The following RTN4RL1 variants were observed in gnomAD, a reference collection of about 807,000 sequenced individuals.
The protein encoded by RTN4RL1 is reticulon 4 receptor like 1.
In RTN4RL1, 7 loss-of-function variants were observed where a neutral mutation model predicts 25.6. The observed-to-expected ratio is 0.27, with a 90% confidence interval of 0.16 to 0.51. The LOEUF is 0.51. Among genes scored for constraint, RTN4RL1 ranks in the 20% least tolerant of loss-of-function variants. The pLI is 0.97. For synonymous variants in RTN4RL1, 297 were observed against 288.2 expected (o/e 1.03, Z -0.31); for missense variants, 500 against 615.6 (o/e 0.81, Z 1.99).
intron 1 of RTN4RL1, among the ~76,000 whole-genome samples, chr17:1,992,275 C>T (rs950536878): frequency 4.7e-5 from 7 of 148,214 alleles, no homozygotes; most frequent in Admixed American, 1.4e-4. Flanking sequence ...AGGAGAATGG[C>T]GTGAACCCGG....
intron 1 of RTN4RL1, among the ~76,000 whole-genome samples, chr17:2,000,777 C>T (rs948232097): frequency 6.6e-6 from 1 of 152,142 alleles, no homozygotes; most frequent in Non-Finnish European, 1.5e-5. Context: ...AGCTCAGCCT[C>T]CCGAAGTACG....
intron 1 of RTN4RL1, among the ~76,000 whole-genome samples, chr17:2,009,185 C>A (rs2067024917): frequency 1.3e-5 from 2 of 152,194 alleles, no homozygotes; most frequent in Non-Finnish European, 2.9e-5. Flanking sequence ...GTTCGCCGGG[C>A]TTGGTGGCTC....
chr17:1,996,362 G>A (rs942499627), intron 1 of RTN4RL1, among the ~76,000 whole-genome samples: 9 of 152,068 alleles, frequency 5.9e-5, no homozygotes, highest in African/African-American at 1.7e-4. Flanking sequence ...GGCAGAGTAC[G>A]GGTGAACAGC....
In RTN4RL1 at chr17:1,934,718, C is replaced by G. The variant is rs1320507591; in HGVS notation, c.*1778G>C. ...TTTATTGTTATTATTATTTTTCTCT[C>G]TTAATTGGATTCAGCGTTTCTGGCT... On this transcript the variant is annotated 3_prime_UTR_variant, in exon 2 of 2. Transcript: ENST00000331238. The surrounding 1 kb of genome is among the most constrained non-coding windows in gnomAD (Gnocchi z 4.0). 6.6e-6 allele frequency: 1 copy of G among 152,670 alleles called. No individual in the cohort carries two copies. Among genetic ancestry groups the G allele is most frequent in the Non-Finnish European group, 1.5e-5 (1 of 68,070 alleles). The allele number at this position is 152,670 out of a possible 1,614,324, so 9.5% of individuals were successfully genotyped here.
rs1043048595 is a variant in RTN4RL1, at chr17:1,998,177, A to G, written c.13+26676T>C. Among the ~76,000 whole-genome samples, 2 of 151,856 alleles carry G rather than the reference A, an allele frequency of 1.3e-5. No homozygotes were observed. The highest frequency in any genetic ancestry group is 2.4e-5 in the African/African-American group (1 of 41,334). ...CTCCTTGGCTCCCTGGCCCGGATTA[A>G]ATATTTACTATGTTTTGTTTGGCCT... On this transcript the variant is annotated intron_variant, in intron 1 of 1. Coordinates refer to ENST00000331238, the MANE Select transcript of RTN4RL1 (RefSeq NM_178568.4). The surrounding 1 kb of genome is among the most constrained non-coding windows in gnomAD (Gnocchi z 4.9).
At chr17:1,975,164 C>T (rs1052989006) in intron 1 of RTN4RL1, among the ~76,000 whole-genome samples, 3 of 152,144 alleles carry the variant, frequency 2.0e-5, no homozygotes, top group Non-Finnish European at 2.9e-5. Flanking sequence ...TACAGGGAGC[C>T]GAGGAAATCC....
chr17:1,953,621 G>C (rs1471979167), intron 1 of RTN4RL1, among the ~76,000 whole-genome samples: 1 of 152,188 alleles, frequency 6.6e-6, no homozygotes, highest in South Asian at 2.1e-4. Flanking sequence ...CTGGAGTGCA[G>C]TGGCGTGATC....
chr17:1,981,822 G>A (rs2066868459), intron 1 of RTN4RL1, among the ~76,000 whole-genome samples: 1 of 152,232 alleles, frequency 6.6e-6, no homozygotes, highest in African/African-American at 2.4e-5. Context: ...TGTGTTCTGA[G>A]AAATGTATCA....
intron 1 of RTN4RL1, among the ~76,000 whole-genome samples, chr17:1,946,498 G>A (rs888955826): frequency 5.3e-5 from 8 of 152,302 alleles, no homozygotes; most frequent in South Asian, 4.2e-4. Context: ...GTGGGTGCAC[G>A]GGGTCTGCGT....
rs568914041 is a variant in RTN4RL1 at position 1,935,502 on chromosome 17, G to A, written c.*994C>T. 40 of 982,072 alleles carry A rather than the reference G, an allele frequency of 4.1e-5. No homozygotes were observed. The highest frequency in any genetic ancestry group is 1.8e-4 in the Admixed American group (3 of 16,244). 60.8% of individuals were successfully genotyped at this position (982,072 alleles called of 1,614,324 possible). ...CCTCCCCCTTCCTCACCGTCCCGCCGACACCTTGCCCCAGGCCCTTGGCAA... is the reference window on the plus strand; with the variant it reads ...CCTCCCCCTTCCTCACCGTCCCGCCAACACCTTGCCCCAGGCCCTTGGCAA... On this transcript the variant is annotated 3_prime_UTR_variant, in exon 2 of 2. Coordinates refer to ENST00000331238, the MANE Select transcript of RTN4RL1 (RefSeq NM_178568.4).
intron 1 of RTN4RL1, among the ~76,000 whole-genome samples, chr17:1,942,752 C>T (rs1001369856): frequency 1.3e-5 from 2 of 152,120 alleles, no homozygotes; most frequent in African/African-American, 4.8e-5. Context: ...GCACGGGAAG[C>T]CACCCTACCC....
chr17:2,004,789 A>G (rs1287069641), intron 1 of RTN4RL1, among the ~76,000 whole-genome samples: 1 of 152,156 alleles, frequency 6.6e-6, no homozygotes, highest in East Asian at 1.9e-4. Flanking sequence ...GCCCCTGGCC[A>G]GGGCTGGCAT....
At chr17:2,013,631 C>CTTGGGGTT (rs1567528138) in intron 1 of RTN4RL1, among the ~76,000 whole-genome samples, 10 of 136,010 alleles carry the variant, frequency 7.4e-5, no homozygotes, top group African/African-American at 2.8e-4. Flanking sequence ...CTCCCTCACC[C>CTTGGGGTT]TGGAACATAA....
chr17:1,993,501 C>A (rs2066918127), intron 1 of RTN4RL1, among the ~76,000 whole-genome samples: 1 of 152,156 alleles, frequency 6.6e-6, no homozygotes, highest in Non-Finnish European at 1.5e-5. Flanking sequence ...GAGGAGTAAG[C>A]AAAATAATGG....
intron 1 of RTN4RL1, among the ~76,000 whole-genome samples, chr17:1,952,202 T>C (rs964478597): frequency 1.3e-5 from 2 of 152,248 alleles, no homozygotes; most frequent in Admixed American, 6.5e-5. Context: ...CATGCACGAA[T>C]ACCCCCAGGG....
At chr17:2,013,298 G>A (rs1483345995) in intron 1 of RTN4RL1, among the ~76,000 whole-genome samples, 2 of 152,226 alleles carry the variant, frequency 1.3e-5, no homozygotes, top group Admixed American at 1.3e-4. Flanking sequence ...CTCACAGGTA[G>A]AAAGAGCTGC....
chr17:2,005,376 C>T (rs570503180), intron 1 of RTN4RL1, among the ~76,000 whole-genome samples: 1 of 152,282 alleles, frequency 6.6e-6, no homozygotes, highest in Non-Finnish European at 1.5e-5. Flanking sequence ...TTATTAGGCC[C>T]ATTTTACAGA....
chr17:1,950,200 TG>T (rs1859437266), intron 1 of RTN4RL1, among the ~76,000 whole-genome samples: 1 of 149,432 alleles, frequency 6.7e-6, no homozygotes, highest in South Asian at 2.1e-4. Flanking sequence ...TGAGAGACCT[TG>T]GGGGCCTGAA....
Position 1,937,381 on chromosome 17 carries a change from G to C in RTN4RL1, c.441C>G (p.Gly147=), listed in dbSNP as rs748423034. ...GGTAGAGGTACTGCAGGCTGTGCAG[G>C]CCGCCAAAGACGCCGGCCGGCAAGG... The part of the protein sequence containing the change: ...LSALPAGVFG[G]LHSLQYLYLQ... Residue 147 remains glycine (G), a synonymous_variant, in exon 2 of 2, where the codon GGC becomes GGG. Transcript: ENST00000331238. 1 of 1,613,728 alleles carries C rather than the reference G, an allele frequency of 6.2e-7. No individual in the cohort carries two copies. The highest frequency in any genetic ancestry group is 8.5e-7 in the Non-Finnish European group (1 of 1,179,878).
Sources: gnomAD v4.1 joint callset for allele counts (sites outside exome capture counted in the v4.1 genomes callset) on GRCh38, gnomAD v4.1.1 for gene constraint, Gnocchi (gnomAD v3.1) non-coding constraint, MANE v1.5 for transcripts, NCBI Gene and HGNC (gene_info 2026-07-23, HGNC 2026-07-21) for gene names.